Variants in SGCZ observed in about 807,000 individuals in gnomAD.
SGCZ encodes the protein zeta-sarcoglycan.
In SGCZ, 40 loss-of-function variants were observed where a neutral mutation model predicts 41.3. The observed-to-expected ratio is 0.97, with a 90% CI of 0.75 to 1.26. The LOEUF is 1.26. SGCZ is among the 50% of genes most tolerant of loss of function. SGCZ has a pLI of 0.00. For synonymous variants in SGCZ, 206 were observed against 137.5 expected (o/e 1.50, Z -3.49); for missense variants, 552 against 369.8 (o/e 1.49, Z -4.04).
chr8:14,243,251 T>C (rs926941083), intron 3 of SGCZ, among the ~76,000 whole-genome samples: 1 of 152,280 alleles, frequency 6.6e-6, no homozygotes, highest in Non-Finnish European at 1.5e-5. Context: ...CAAGAAAAAT[T>C]TTCTTCTCAG....
At chr8:14,527,915 G>A (rs1282049379) in intron 2 of SGCZ, among the ~76,000 whole-genome samples, 3 of 151,982 alleles carry the variant, frequency 2.0e-5, no homozygotes, top group Non-Finnish European at 4.4e-5. Context: ...AGTGGGAGGT[G>A]GGGGAGTAAT....
rs193141766 is a variant in SGCZ at position 14,857,605 on chromosome 8, C to T, written c.40-302679G>A. ...TTAGCCAGGTGCAGTGGCTCATGCCCGTAATCCCAGCACTTTGCAAGGCTA... is the reference window on the plus strand; with the variant it reads ...TTAGCCAGGTGCAGTGGCTCATGCCTGTAATCCCAGCACTTTGCAAGGCTA... On this transcript the variant is annotated intron_variant, in intron 1 of 7. Transcript: ENST00000382080. Among the ~76,000 whole-genome samples the T allele has an allele frequency of 4.1e-3, 624 of 152,146 alleles. 4 individuals are homozygous for T. The highest frequency in any genetic ancestry group is 0.018 in the South Asian group (89 of 4,818).
At chr8:14,157,410 A>C in intron 5 of SGCZ, among the ~76,000 whole-genome samples, 1 of 148,148 alleles carries the variant, frequency 6.8e-6, no homozygotes, top group African/African-American at 2.5e-5. Flanking sequence ...AGCCCATAGA[A>C]GCATCTCCCA....
intron 2 of SGCZ, among the ~76,000 whole-genome samples, chr8:14,525,060 A>C (rs1237096204): frequency 4.6e-5 from 7 of 152,032 alleles, no homozygotes; most frequent in Non-Finnish European, 1.0e-4. Context: ...GAGATAGATG[A>C]TGATGATGAT....
intron 3 of SGCZ, among the ~76,000 whole-genome samples, chr8:14,282,327 T>A (rs1374078833): frequency 2.1e-5 from 3 of 142,562 alleles, no homozygotes; most frequent in Non-Finnish European, 4.6e-5. Context: ...ACATTACCAT[T>A]TGTCTGTCTG....
chr8:14,654,962 GC>G (rs1807515499), intron 1 of SGCZ, among the ~76,000 whole-genome samples: 1 of 151,838 alleles, frequency 6.6e-6, no homozygotes, highest in African/African-American at 2.4e-5. Context: ...CACTGCACTG[GC>G]CCCATCATTA....
At chr8:14,184,539 G>C (rs1804840777) in intron 4 of SGCZ, among the ~76,000 whole-genome samples, 1 of 152,076 alleles carries the variant, frequency 6.6e-6, no homozygotes, top group Non-Finnish European at 1.5e-5. Context: ...ATTATATATT[G>C]GAACTACTAA....
chr8:14,453,955 T>A (rs1220399624), intron 2 of SGCZ, among the ~76,000 whole-genome samples: 2 of 152,162 alleles, frequency 1.3e-5, no homozygotes, highest in Non-Finnish European at 2.9e-5. Flanking sequence ...TATTCTTATA[T>A]TGTACTTGGT....
At chr8:15,173,414 A>G (rs1459671773) in intron 1 of SGCZ, among the ~76,000 whole-genome samples, 1 of 152,190 alleles carries the variant, frequency 6.6e-6, no homozygotes, top group Non-Finnish European at 1.5e-5. Flanking sequence ...TTATGACTAA[A>G]TGAGACAGTT....
chr8:14,810,582 T>G (rs968033848), intron 1 of SGCZ, among the ~76,000 whole-genome samples: 8 of 152,040 alleles, frequency 5.3e-5, no homozygotes, highest in Admixed American at 3.9e-4. Flanking sequence ...ATCCAAGGTA[T>G]CAAAGGTGTT....
chr8:14,842,509 G>A (rs1267009536), intron 1 of SGCZ, among the ~76,000 whole-genome samples: 2 of 150,998 alleles, frequency 1.3e-5, no homozygotes, highest in Admixed American at 6.6e-5. Flanking sequence ...GGAAGGAAAG[G>A]AAGGAAGGAA....
intron 4 of SGCZ, among the ~76,000 whole-genome samples, chr8:14,199,829 A>G (rs1012272253): frequency 1.3e-5 from 2 of 152,208 alleles, no homozygotes; most frequent in African/African-American, 4.8e-5. Context: ...ACGACTGACA[A>G]TGAAAAAAAT....
At chr8:15,106,506 G>A (rs148546151) in intron 1 of SGCZ, among the ~76,000 whole-genome samples, 11 of 152,116 alleles carry the variant, frequency 7.2e-5, no homozygotes, top group African/African-American at 2.2e-4. Flanking sequence ...CAGTCTAAAT[G>A]TATTTGGTAT....
At chr8:14,919,774 C>T (rs1799538012) in intron 1 of SGCZ, among the ~76,000 whole-genome samples, 1 of 151,836 alleles carries the variant, frequency 6.6e-6, no homozygotes, top group African/African-American at 2.4e-5. Context: ...AAAAATTAGC[C>T]AGGCATGGTG....
intron 2 of SGCZ, among the ~76,000 whole-genome samples, chr8:14,361,095 A>G (rs2117132203): frequency 6.6e-6 from 1 of 152,226 alleles, no homozygotes. Flanking sequence ...CTTTAGTAAA[A>G]TGTCTCTTCA....
At chr8:14,630,289 T>C (rs923556165) in intron 1 of SGCZ, among the ~76,000 whole-genome samples, 1 of 151,882 alleles carries the variant, frequency 6.6e-6, no homozygotes, top group African/African-American at 2.4e-5. Context: ...GTCTGCTCTG[T>C]GGAAAAATGC....
chr8:14,720,226 A>C (rs530858151), intron 1 of SGCZ, among the ~76,000 whole-genome samples: 3 of 152,180 alleles, frequency 2.0e-5, no homozygotes, highest in Non-Finnish European at 2.9e-5. Flanking sequence ...TTAAAATAAA[A>C]GGTGATCACA....
At chr8:14,742,408 T>C (rs1167397557) in intron 1 of SGCZ, among the ~76,000 whole-genome samples, 1 of 152,088 alleles carries the variant, frequency 6.6e-6, no homozygotes, top group Admixed American at 6.6e-5. Flanking sequence ...CACATTGCCT[T>C]TTCTTAGTCT....
chr8:15,161,227 T>C (rs990070761), intron 1 of SGCZ, among the ~76,000 whole-genome samples: 1 of 152,082 alleles, frequency 6.6e-6, no homozygotes, highest in African/African-American at 2.4e-5. Flanking sequence ...TCATGGACTT[T>C]AAACGCTCTC....
Sources: allele counts gnomAD v4.1 joint callset (sites outside exome capture counted in the v4.1 genomes callset), GRCh38; gene constraint gnomAD v4.1.1; transcripts MANE v1.5; gene names NCBI Gene and HGNC (gene_info 2026-07-23, HGNC 2026-07-21).